Variants in MYO16 observed in about 807,000 individuals in gnomAD.
The protein encoded by MYO16 is unconventional myosin-XVI.
Under a neutral mutation model 205.3 loss-of-function variants are expected in MYO16, and 94 were observed. The observed-to-expected ratio is 0.46, with a 90% CI of 0.39 to 0.54. The LOEUF is 0.54. Ranked by LOEUF, MYO16 falls within the 20% of genes least tolerant of loss-of-function variation. The pLI, the probability that MYO16 is intolerant of heterozygous loss-of-function variation, is 0.00. For synonymous variants in MYO16, 988 were observed against 954.0 expected (o/e 1.04, Z -0.66); for missense variants, 2,315 against 2,387.5 (o/e 0.97, Z 0.63).
chr13:108,844,581 G>T, intron 10 of MYO16, 88 bp downstream of exon 10: 2 of 1,289,920 alleles, frequency 1.6e-6, no homozygotes, highest in Non-Finnish European at 2.1e-6. Context: ...AAACAAATGC[G>T]CACTAATTTG....
the MYO16 span, among the ~76,000 whole-genome samples, chr13:108,542,026 G>C: frequency 1.3e-5 from 2 of 152,076 alleles, no homozygotes; most frequent in Admixed American, 1.3e-4. Context: ...GTTCATTGCA[G>C]CACTATTGAC....
chr13:108,987,106 G>C (rs1391494756), intron 20 of MYO16, among the ~76,000 whole-genome samples: 1 of 152,168 alleles, frequency 6.6e-6, no homozygotes, highest in Non-Finnish European at 1.5e-5. Flanking sequence ...CCTCGCAAGG[G>C]GTCCGCAGTT....
chr13:108,740,268 G>T (rs1375541575), intron 4 of MYO16, among the ~76,000 whole-genome samples: 3 of 150,290 alleles, frequency 2.0e-5, no homozygotes, highest in African/African-American at 7.3e-5. Context: ...TTTGTGTTTT[G>T]TCTACCTTTG....
the MYO16 span, among the ~76,000 whole-genome samples, chr13:108,526,718 A>C: frequency 2.0e-5 from 3 of 152,192 alleles, no homozygotes; most frequent in Non-Finnish European, 2.9e-5. Context: ...AACCTACCAA[A>C]TTTGAACTTT....
chr13:108,917,076 T>C (rs1236076473), intron 16 of MYO16, among the ~76,000 whole-genome samples: 1 of 151,952 alleles, frequency 6.6e-6, no homozygotes. Flanking sequence ...GCGGCTTCTC[T>C]CTGTCACACT....
At chr13:108,848,976 C>T (rs1357082532) in intron 10 of MYO16, among the ~76,000 whole-genome samples, 1 of 130,508 alleles carries the variant, frequency 7.7e-6, no homozygotes, top group Non-Finnish European at 1.7e-5. Context: ...GCACACAGAT[C>T]TGCAGCCAGG....
intron 4 of MYO16, among the ~76,000 whole-genome samples, chr13:108,779,039 A>G (rs4771607): frequency 0.34 from 51,272 of 151,768 alleles, 9,781 homozygotes; most frequent in East Asian, 0.62. Context: ...CTTGGCCACT[A>G]TGGCAGAAAT....
At chr13:108,754,799 A>G (rs1885368134) in intron 4 of MYO16, among the ~76,000 whole-genome samples, 1 of 152,106 alleles carries the variant, frequency 6.6e-6, no homozygotes, top group South Asian at 2.1e-4. Context: ...GAACTCCTCT[A>G]TCCCTTTCCT....
At chr13:109,028,131 C>T (rs1393567033) in intron 23 of MYO16, among the ~76,000 whole-genome samples, 1 of 151,900 alleles carries the variant, frequency 6.6e-6, no homozygotes, top group South Asian at 2.1e-4. Flanking sequence ...CAACCACTCC[C>T]ATTATATTAC....
intron 1 of MYO16, among the ~76,000 whole-genome samples, chr13:108,619,146 G>A (rs539804810): frequency 2.0e-5 from 3 of 152,094 alleles, no homozygotes; most frequent in South Asian, 2.1e-4. Flanking sequence ...CACAACCATC[G>A]CACTACAACT....
intron 22 of MYO16, among the ~76,000 whole-genome samples, chr13:109,015,040 A>G (rs905812450): frequency 4.6e-5 from 7 of 152,326 alleles, no homozygotes; most frequent in Non-Finnish European, 8.8e-5. Context: ...GTCTCGTGCC[A>G]GTTTGCAAAG....
intron 23 of MYO16, among the ~76,000 whole-genome samples, chr13:109,032,071 T>C (rs1886562185): frequency 6.6e-6 from 1 of 152,126 alleles, no homozygotes; most frequent in Admixed American, 6.6e-5. Flanking sequence ...CTCACTCAGG[T>C]GCTTTTCTGG....
At chr13:109,167,285 A>T (rs541912656) in intron 33 of MYO16, 11 of 152,356 alleles carry the variant, frequency 7.2e-5, no homozygotes, top group Admixed American at 2.6e-4. Context: ...TCACAGGCTG[A>T]ACTAGCACAT....
the MYO16 span, among the ~76,000 whole-genome samples, chr13:108,500,257 A>G: frequency 1.1e-5 from 1 of 92,632 alleles, no homozygotes; most frequent in Non-Finnish European, 1.9e-5. Context: ...TTTTTTTGAG[A>G]CGGAGTCTGT....
chr13:108,983,299 C>T (rs1416529570), intron 20 of MYO16, among the ~76,000 whole-genome samples: 7 of 152,276 alleles, frequency 4.6e-5, no homozygotes, highest in East Asian at 3.9e-4. Flanking sequence ...CTGAATCTCA[C>T]GTGAGAACCG....
intron 11 of MYO16, 88 bp downstream of exon 11, chr13:108,855,641 A>C: frequency 2.2e-6 from 2 of 890,460 alleles, no homozygotes; most frequent in Non-Finnish European, 3.4e-6. Flanking sequence ...TTGCAAGTAA[A>C]GGGCTCATTG....
intron 4 of MYO16, among the ~76,000 whole-genome samples, chr13:108,770,746 A>G (rs1885934151): frequency 6.6e-6 from 1 of 151,424 alleles, no homozygotes; most frequent in Non-Finnish European, 1.5e-5. Flanking sequence ...CCCAGGTGAG[A>G]AAATAAGAAC....
chr13:108,522,293 A>G, the MYO16 span, among the ~76,000 whole-genome samples: 2 of 152,218 alleles, frequency 1.3e-5, no homozygotes, highest in African/African-American at 4.8e-5. Flanking sequence ...TGGCAAGTCT[A>G]TTGCTATTTG....
chr13:109,175,990 TACAA>T (rs1189504980), intron 33 of MYO16, among the ~76,000 whole-genome samples: 1 of 152,128 alleles, frequency 6.6e-6, no homozygotes, highest in Non-Finnish European at 1.5e-5. Context: ...AGGACACATG[TACAA>T]ACATTTACAG....
Sources: allele counts gnomAD v4.1 joint callset (sites outside exome capture counted in the v4.1 genomes callset), GRCh38; gene constraint gnomAD v4.1.1; transcripts MANE v1.5; gene names NCBI Gene and HGNC (gene_info 2026-07-23, HGNC 2026-07-21).